THSD7B: variants seen among roughly 807,000 people sequenced by gnomAD.
THSD7B encodes thrombospondin type-1 domain-containing protein 7B.
Under a neutral mutation model 213.6 loss-of-function variants are expected in THSD7B, and 138 were observed. The observed-to-expected ratio is 0.65, with a 90% confidence interval of 0.56 to 0.74. THSD7B has a LOEUF of 0.74. THSD7B is among the 30% of genes least tolerant of loss of function. The pLI is 0.00. For synonymous variants in THSD7B, 742 were observed against 687.0 expected (o/e 1.08, Z -1.25); for missense variants, 1,931 against 1,991.5 (o/e 0.97, Z 0.58).
intron 12 of THSD7B, among the ~76,000 whole-genome samples, chr2:137,311,069 G>A (rs1216456896): frequency 1.3e-5 from 2 of 150,996 alleles, no homozygotes; most frequent in Admixed American, 6.6e-5. Flanking sequence ...GATGGGGATG[G>A]CATTGAATCT....
chr2:137,224,578 T>C (rs10928600), intron 7 of THSD7B, among the ~76,000 whole-genome samples: 62,507 of 152,068 alleles, frequency 0.41, 12,988 homozygotes, highest in Middle Eastern at 0.5. Flanking sequence ...CTGATATTAA[T>C]GCTTTGAGGG....
At chr2:137,480,412 A>C (rs1316234467) in intron 15 of THSD7B, among the ~76,000 whole-genome samples, 1 of 152,246 alleles carries the variant, frequency 6.6e-6, no homozygotes, top group African/African-American at 2.4e-5. Flanking sequence ...AAGTTTTGAA[A>C]AACTCATTTT....
At chr2:136,785,524 C>A (rs967149066) in intron 1 of THSD7B, among the ~76,000 whole-genome samples, 1 of 152,158 alleles carries the variant, frequency 6.6e-6, no homozygotes, top group African/African-American at 2.4e-5. Context: ...CTCCACCACT[C>A]CTTTTCATAG....
At chr2:137,288,511 G>T (rs1416242607) in intron 12 of THSD7B, among the ~76,000 whole-genome samples, 1 of 151,962 alleles carries the variant, frequency 6.6e-6, no homozygotes, top group Non-Finnish European at 1.5e-5. Context: ...GGTTTTGAGA[G>T]CCTATAACAG....
chr2:137,103,829 G>A (rs185289800), intron 4 of THSD7B, among the ~76,000 whole-genome samples: 212 of 152,168 alleles, frequency 1.4e-3, no homozygotes, highest in Non-Finnish European at 2.0e-3. Context: ...GCAACAAGAC[G>A]AGCTAACTGT....
intron 1 of THSD7B, among the ~76,000 whole-genome samples, chr2:136,828,227 C>G (rs1211339719): frequency 1.3e-5 from 2 of 152,196 alleles, no homozygotes; most frequent in East Asian, 1.9e-4. Context: ...TCATCATCCT[C>G]TCTTTCTCTG....
chr2:137,127,048 A>G (rs1688641661), intron 5 of THSD7B, among the ~76,000 whole-genome samples: 1 of 151,690 alleles, frequency 6.6e-6, no homozygotes, highest in Non-Finnish European at 1.5e-5. Flanking sequence ...CTGATCACTG[A>G]TGACTATAAT....
At chr2:137,126,908 G>A (rs558324948) in intron 5 of THSD7B, among the ~76,000 whole-genome samples, 1 of 152,288 alleles carries the variant, frequency 6.6e-6, no homozygotes, top group Admixed American at 6.5e-5. Flanking sequence ...AGGAAAGAGA[G>A]AGAGATGGGG....
chr2:136,952,434 CTTTTTTTTTTT>C (rs35848268), intron 2 of THSD7B, among the ~76,000 whole-genome samples: 9 of 125,614 alleles, frequency 7.2e-5, no homozygotes, highest in Non-Finnish European at 1.3e-4. Flanking sequence ...GGGCAGAAAA[CTTTTTTTTTTT>C]TTTTTTTTGT....
chr2:136,890,303 C>CTTCTTCTTCTTCTTCTTCTTCTTCTTCTT (rs200389806), intron 2 of THSD7B, among the ~76,000 whole-genome samples: 1 of 5,162 alleles, frequency 1.9e-4, no homozygotes, highest in African/African-American at 5.7e-4. Context: ...ATGTCCTACT[C>CTTCTTCTTCTTCTTCTTCTTCTTCTTCTT]CTTCTTCTTC....
chr2:137,493,386 A>C (rs1244426710), intron 15 of THSD7B, among the ~76,000 whole-genome samples: 1 of 152,116 alleles, frequency 6.6e-6, no homozygotes, highest in African/African-American at 2.4e-5. Flanking sequence ...TAAGAGATTA[A>C]CTTTATTATA....
At chr2:137,073,563 G>C (rs1687549419) in intron 3 of THSD7B, among the ~76,000 whole-genome samples, 1 of 152,282 alleles carries the variant, frequency 6.6e-6, no homozygotes, top group South Asian at 2.1e-4. Context: ...TTTTGGAAGG[G>C]TTTTTTGTGT....
At chr2:137,204,335 G>A (rs1680939471) in intron 7 of THSD7B, among the ~76,000 whole-genome samples, 1 of 152,094 alleles carries the variant, frequency 6.6e-6, no homozygotes, top group Admixed American at 6.6e-5. Flanking sequence ...AGTTGAGAAT[G>A]CGTAGTTATG....
intron 1 of THSD7B, among the ~76,000 whole-genome samples, chr2:136,866,441 A>G (rs1031914509): frequency 3.3e-5 from 5 of 152,130 alleles, no homozygotes; most frequent in Non-Finnish European, 5.9e-5. Flanking sequence ...AAAAATCACT[A>G]TATTAAACTA....
At chr2:137,215,517 A>C (rs1379896420) in intron 7 of THSD7B, among the ~76,000 whole-genome samples, 1 of 152,206 alleles carries the variant, frequency 6.6e-6, no homozygotes, top group Admixed American at 6.5e-5. Context: ...AGAGCTCTGC[A>C]TGCCCTCAGT....
At chr2:137,242,389 C>G (rs1325024318) in intron 9 of THSD7B, 68 bp from the exon 10 acceptor site, 7 of 1,250,706 alleles carry the variant, frequency 5.6e-6, no homozygotes, top group African/African-American at 1.5e-5. Context: ...GTTCTAAAAT[C>G]CTATAGTTCT....
intron 1 of THSD7B, among the ~76,000 whole-genome samples, chr2:136,851,967 A>G (rs958392739): frequency 1.3e-5 from 2 of 151,886 alleles, no homozygotes; most frequent in Non-Finnish European, 2.9e-5. Context: ...TAACAGAATA[A>G]GGGCCCCAAA....
chr2:137,622,411 G>C (rs1682537780), intron 20 of THSD7B, among the ~76,000 whole-genome samples: 1 of 152,028 alleles, frequency 6.6e-6, no homozygotes. Flanking sequence ...TGGTGGTATA[G>C]ACATTTGTAA....
intron 6 of THSD7B, 52 bp downstream of exon 6, chr2:137,160,420 A>T: frequency 6.3e-7 from 1 of 1,588,134 alleles, no homozygotes. Flanking sequence ...ACAAACATTT[A>T]TTCTGGTAGC....
Sources: gnomAD v4.1 joint callset for allele counts (sites outside exome capture counted in the v4.1 genomes callset) on GRCh38, gnomAD v4.1.1 for gene constraint, MANE v1.5 for transcripts, NCBI Gene and HGNC (gene_info 2026-07-23, HGNC 2026-07-21) for gene names.